Variants in AGBL1 observed in about 807,000 individuals in gnomAD.
AGBL1 encodes cytosolic carboxypeptidase 4.
In AGBL1, 130 loss-of-function variants were observed where a neutral mutation model predicts 118.9. The observed-to-expected ratio is 1.09, with a 90% CI of 0.95 to 1.26. The LOEUF is 1.26. Ranked by LOEUF, AGBL1 falls within the 50% of genes most tolerant of loss-of-function variation. The pLI is 0.00. For synonymous variants in AGBL1, 555 were observed against 478.9 expected (o/e 1.16, Z -2.08); for missense variants, 1,584 against 1,298.1 (o/e 1.22, Z -3.38).
intron 22 of AGBL1, among the ~76,000 whole-genome samples, chr15:86,789,797 A>T (rs778446029): frequency 6.6e-6 from 1 of 152,180 alleles, no homozygotes; most frequent in African/African-American, 2.4e-5. Flanking sequence ...GATAGGGAGC[A>T]TAAGATATCT....
chr15:86,592,846 C>T (rs1287573648), intron 21 of AGBL1, among the ~76,000 whole-genome samples: 1 of 152,148 alleles, frequency 6.6e-6, no homozygotes, highest in Non-Finnish European at 1.5e-5. Flanking sequence ...CATGCCAGAC[C>T]AACACCCAAT....
intron 18 of AGBL1, among the ~76,000 whole-genome samples, chr15:86,404,260 G>T (rs1293051308): frequency 6.6e-6 from 1 of 152,084 alleles, no homozygotes; most frequent in Admixed American, 6.5e-5. Flanking sequence ...TCCTAGCTGG[G>T]CTTGATCCTG....
At chr15:86,695,148 G>C (rs2086234642) in intron 22 of AGBL1, among the ~76,000 whole-genome samples, 1 of 151,942 alleles carries the variant, frequency 6.6e-6, no homozygotes, top group South Asian at 2.1e-4. Context: ...CTATGTTGTG[G>C]AATAGTGTCA....
At chr15:86,434,050 C>A (rs1168136311) in intron 18 of AGBL1, among the ~76,000 whole-genome samples, 1 of 152,226 alleles carries the variant, frequency 6.6e-6, no homozygotes, top group African/African-American at 2.4e-5. Context: ...CAGGCATCTA[C>A]AAACCCAACT....
At chr15:86,647,612 A>G (rs1196748751) in intron 21 of AGBL1, among the ~76,000 whole-genome samples, 1 of 152,174 alleles carries the variant, frequency 6.6e-6, no homozygotes, top group Non-Finnish European at 1.5e-5. Context: ...GAGACAGGAG[A>G]ATTGCTTGAA....
At chr15:86,879,605 C>T (rs996627811) in intron 22 of AGBL1, among the ~76,000 whole-genome samples, 6 of 152,102 alleles carry the variant, frequency 3.9e-5, no homozygotes, top group East Asian at 3.9e-4. Flanking sequence ...TTGTAATTAC[C>T]GAAGGAACTC....
At chr15:86,317,869 G>C (rs892800590) in intron 17 of AGBL1, among the ~76,000 whole-genome samples, 1 of 152,194 alleles carries the variant, frequency 6.6e-6, no homozygotes, top group Non-Finnish European at 1.5e-5. Flanking sequence ...AATTCTTGAA[G>C]TGGAAGACTA....
At chr15:86,826,393 A>G (rs548885881) in intron 22 of AGBL1, among the ~76,000 whole-genome samples, 1 of 152,248 alleles carries the variant, frequency 6.6e-6, no homozygotes, top group African/African-American at 2.4e-5. Context: ...AGTCGGGGCA[A>G]TGGAAATATT....
intron 1 of AGBL1, among the ~76,000 whole-genome samples, chr15:86,137,226 C>T (rs1201935070): frequency 6.6e-6 from 1 of 152,156 alleles, no homozygotes. Context: ...TCTGGCTCAG[C>T]GCTAAGTGAG....
rs543984962 is a variant in AGBL1, at chr15:86,904,039, A to T, written c.3159-3048A>T. 1.2e-3 allele frequency among the ~76,000 whole-genome samples: 185 copies of T among 152,150 alleles called. 1 individual carries two copies. The highest frequency in any genetic ancestry group is 4.4e-3 in the African/African-American group (181 of 41,514). On this transcript the variant is annotated intron_variant, in intron 22 of 22. Transcript: ENST00000614907. The stretch of plus-strand genomic sequence containing the variant: ...AGGCTCCCTGCTTTTGTTGGTGGGG[A>T]TGGGGGTGGGACTGCTGGCTTTTCT...
chr15:86,268,023 G>A lies in AGBL1; in HGVS notation c.1838+947G>A, dbSNP rs75026722. On this transcript the variant is annotated intron_variant, in intron 13 of 22. Coordinates refer to ENST00000614907, the MANE Select transcript of AGBL1 (RefSeq NM_001386094.1). ...CACCTACTACTTTGGGATTTCATGA[G>A]AGCTAAGTAATACACTTAAGTCTCT... Among the ~76,000 whole-genome samples, 414 of 152,286 alleles carry A rather than the reference G, an allele frequency of 2.7e-3. 1 individual carries two copies. Among genetic ancestry groups the A allele is most frequent in the Non-Finnish European group, 4.8e-3 (325 of 68,024 alleles).
In AGBL1 at chr15:86,365,008, T is replaced by TATATAC. The variant is rs1471135107; in HGVS notation, c.2375-32357_2375-32356insTATACA. 8.6e-5 allele frequency among the ~76,000 whole-genome samples: 10 copies of TATATAC among 116,840 alleles called. No homozygotes were observed. The South Asian group carries it at 1.9e-3, about 22-fold the overall frequency. 76.7% of individuals were successfully genotyped at this position (116,840 alleles called of 152,430 possible). On this transcript the variant is annotated intron_variant, in intron 17 of 22. Transcript: ENST00000614907. ...ATATATACACACACACATATATATA[T>TATATAC]ACACACACATATATATATACACACA...
intron 22 of AGBL1, among the ~76,000 whole-genome samples, chr15:86,864,770 G>A (rs548891876): frequency 6.6e-6 from 1 of 152,192 alleles, no homozygotes; most frequent in Non-Finnish European, 1.5e-5. Context: ...CCAGGAGCTA[G>A]GCGTCAGGAG....
chr15:87,010,048 A>G (rs1377091039), intron 24 of AGBL1, among the ~76,000 whole-genome samples: 1 of 152,082 alleles, frequency 6.6e-6, no homozygotes, highest in Non-Finnish European at 1.5e-5. Flanking sequence ...GGAAGGCATG[A>G]TTAGTTTTGA....
chr15:86,358,545 A>G (rs1394309387), intron 17 of AGBL1, among the ~76,000 whole-genome samples: 2 of 152,030 alleles, frequency 1.3e-5, no homozygotes, highest in African/African-American at 2.4e-5. Flanking sequence ...GTGTATACCT[A>G]GAAGTGGGAT....
intron 1 of AGBL1, among the ~76,000 whole-genome samples, chr15:86,113,287 C>CCTTT (rs1897544306): frequency 1.0e-5 from 1 of 97,382 alleles, no homozygotes; most frequent in African/African-American, 3.9e-5. Context: ...TTCTTTCTTT[C>CCTTT]TTTTTTTTTT....
At position 86,263,210 on chromosome 15, in the gene AGBL1, A is replaced by C. The variant is rs547657221; in HGVS notation, c.1086+316A>C. Among the ~76,000 whole-genome samples the C allele has an allele frequency of 1.5e-3, 226 of 152,328 alleles. 5 individuals carry two copies. In the South Asian group the frequency reaches 0.046, roughly 31 times the overall value. ...TTCCTTGATGGTCCCATAAGATTAT[A>C]ATACTGTATTTTCACTGCACCTTTT... On this transcript the variant is annotated intron_variant, in intron 10 of 22. Coordinates refer to ENST00000614907, the MANE Select transcript of AGBL1 (RefSeq NM_001386094.1).
intron 22 of AGBL1, among the ~76,000 whole-genome samples, chr15:86,744,724 G>T (rs755471018): frequency 1.3e-5 from 2 of 152,078 alleles, no homozygotes; most frequent in African/African-American, 2.4e-5. Context: ...GACTAATATG[G>T]GAGAAAATCA....
At chr15:86,225,563 A>T (rs1496885) in intron 6 of AGBL1, among the ~76,000 whole-genome samples, 37,643 of 152,028 alleles carry the variant, frequency 0.25, 7,418 homozygotes, top group African/African-American at 0.54. Flanking sequence ...AATTTGAGGA[A>T]TTTTTTGCCT....
Sources: gnomAD v4.1 joint callset for allele counts (sites outside exome capture counted in the v4.1 genomes callset) on GRCh38, gnomAD v4.1.1 for gene constraint, MANE v1.5 for transcripts, NCBI Gene and HGNC (gene_info 2026-07-23, HGNC 2026-07-21) for gene names.